The following BCAR3 variants were observed in gnomAD, a reference collection of about 807,000 sequenced individuals.
The protein encoded by BCAR3 is BCAR3 adaptor protein, NSP family member.
BCAR3 carries 37 observed loss-of-function variants against 80.1 expected under a neutral mutation model. That is an observed-to-expected ratio of 0.46 (90% CI 0.36 to 0.61). BCAR3 has a LOEUF of 0.61. BCAR3 is among the 20% of genes least tolerant of loss of function. The pLI, the probability that BCAR3 is intolerant of heterozygous loss-of-function variation, is 0.00. For synonymous variants in BCAR3, 389 were observed against 418.9 expected, an observed-to-expected ratio of 0.93 and a Z score of 0.87; for missense variants, 978 against 1,068.2, an observed-to-expected ratio of 0.92 and a Z score of 1.18.
At chr1:93,656,638 C>T (rs1353728066) in intron 2 of BCAR3, among the ~76,000 whole-genome samples, 1 of 148,288 alleles carries the variant, frequency 6.7e-6, no homozygotes, top group East Asian at 2.0e-4. Context: ...GACTATCTCA[C>T]TTGTCACCCA....
rs1674239055 is a variant in BCAR3 at position 93,592,253 on chromosome 1, A to G, written c.486+12T>C. 9.3e-6 allele frequency: 15 copies of G among 1,613,342 alleles called. No homozygotes were observed. The East Asian group carries it at 2.7e-4, about 29-fold the overall frequency. The stretch of plus-strand genomic sequence containing the variant: ...CAGCCGTGTATGCTCTGGAAGGGAC[A>G]AGACCAGGTACCTGTCGGGGGATGC... On this transcript the variant is annotated intron_variant, in intron 4 of 11. Transcript: ENST00000260502. The surrounding 1 kb of genome is among the most constrained non-coding windows in gnomAD (Gnocchi z 4.8).
chr1:93,799,740 C>T (rs1653410168), intron 2 of BCAR3, among the ~76,000 whole-genome samples: 1 of 152,198 alleles, frequency 6.6e-6, no homozygotes, highest in South Asian at 2.1e-4. Context: ...CAAAATTTAG[C>T]TCAGCCATCT....
chr1:93,588,143 C>A (rs1674021428), intron 5 of BCAR3, among the ~76,000 whole-genome samples: 1 of 152,168 alleles, frequency 6.6e-6, no homozygotes, highest in South Asian at 2.1e-4. Context: ...AGCTCTAACT[C>A]CCCTCCTGGA....
chr1:93,572,115 C>T (rs1381555734), intron 8 of BCAR3, among the ~76,000 whole-genome samples: 1 of 152,150 alleles, frequency 6.6e-6, no homozygotes, highest in Non-Finnish European at 1.5e-5. Flanking sequence ...CCTGGGGGCA[C>T]AAAGAGGGAG....
At chr1:93,787,371 T>A (rs1652984070) in intron 2 of BCAR3, among the ~76,000 whole-genome samples, 1 of 152,240 alleles carries the variant, frequency 6.6e-6, no homozygotes, top group Non-Finnish European at 1.5e-5. Context: ...TGGTTTGTTC[T>A]TGTTTCTCTA....
Position 93,754,612 on chromosome 1 carries a change from A to G in BCAR3, c.-62-48470T>C, listed in dbSNP as rs183551302. Among the ~76,000 whole-genome samples, 6 of 152,310 alleles carry G rather than the reference A, an allele frequency of 3.9e-5. No individual in the cohort carries two copies. The East Asian group carries it at 1.2e-3, about 29-fold the overall frequency. On this transcript the variant is annotated intron_variant, in intron 2 of 13. Transcript: ENST00000370244. ...GTCCCATAAGATTATAATGGAGCTG[A>G]AAAATTCCTGTTGTCTAGTGATGTC... is the stretch of plus-strand genomic sequence containing the variant.
At chr1:93,620,309 T>C (rs1389103037) in intron 3 of BCAR3, among the ~76,000 whole-genome samples, 1 of 152,230 alleles carries the variant, frequency 6.6e-6, no homozygotes, top group Non-Finnish European at 1.5e-5. Context: ...CTTATTCAAA[T>C]ACCACATATG....
intron 3 of BCAR3, chr1:93,602,232 T>G (rs1674646038): frequency 6.6e-6 from 1 of 151,990 alleles, no homozygotes; most frequent in South Asian, 2.1e-4. Flanking sequence ...GGACTACAGG[T>G]CTGCACCACC....
intron 3 of BCAR3, among the ~76,000 whole-genome samples, chr1:93,619,161 T>A (rs1482050642): frequency 6.6e-6 from 1 of 150,742 alleles, no homozygotes; most frequent in East Asian, 1.9e-4. Context: ...TTGGCCAGGA[T>A]GGGCTCGATC....
At chr1:93,717,392 G>A (rs1168666212) in intron 2 of BCAR3, among the ~76,000 whole-genome samples, 1 of 152,182 alleles carries the variant, frequency 6.6e-6, no homozygotes, top group Non-Finnish European at 1.5e-5. Context: ...AAAGTTAGTT[G>A]ATTTTGCATT....
intron 2 of BCAR3, among the ~76,000 whole-genome samples, chr1:93,827,795 G>C (rs1253196408): frequency 1.3e-5 from 2 of 152,020 alleles, no homozygotes; most frequent in East Asian, 3.8e-4. Flanking sequence ...GGGAGAGAGA[G>C]AGAAGTGATG....
chr1:93,770,109 G>A (rs1652302869), intron 2 of BCAR3, among the ~76,000 whole-genome samples: 1 of 152,188 alleles, frequency 6.6e-6, no homozygotes, highest in South Asian at 2.1e-4. Context: ...GATAGTGGGG[G>A]ACAGAAGGTG....
At chr1:93,796,607 A>G (rs1162098921) in intron 2 of BCAR3, among the ~76,000 whole-genome samples, 9 of 151,550 alleles carry the variant, frequency 5.9e-5, no homozygotes, top group Admixed American at 3.3e-4. Context: ...TGCAGAAATC[A>G]CCTGTCTTCT....
At chr1:93,613,972 G>T (rs1233084718) in intron 3 of BCAR3, 1 of 1,548,984 alleles carries the variant, frequency 6.5e-7, no homozygotes. Context: ...TTTCTTTAGG[G>T]TTAAAAGAAA....
chr1:93,744,965 TC>T (rs373681355), intron 2 of BCAR3, among the ~76,000 whole-genome samples: 67 of 152,338 alleles, frequency 4.4e-4, no homozygotes, highest in African/African-American at 1.3e-3. Context: ...CAAAGGCATT[TC>T]TTTTTTACTT....
intron 3 of BCAR3, among the ~76,000 whole-genome samples, chr1:93,704,202 C>T (rs886745184): frequency 1.3e-5 from 2 of 152,032 alleles, no homozygotes; most frequent in Non-Finnish European, 2.9e-5. Flanking sequence ...ACCAGCAGCT[C>T]ACAGGCCTGA....
intron 3 of BCAR3, among the ~76,000 whole-genome samples, chr1:93,612,599 T>G (rs1379278721): frequency 1.3e-5 from 2 of 152,162 alleles, no homozygotes; most frequent in Non-Finnish European, 2.9e-5. Context: ...TGAAACCCAC[T>G]GCCAATCCCC....
rs949568734 is a variant in BCAR3, at chr1:93,776,536, T to G, written c.-63+69031A>C. Among the ~76,000 whole-genome samples, 29 of 152,348 alleles carry G rather than the reference T, an allele frequency of 1.9e-4. 1 individual carries two copies. The highest frequency in any genetic ancestry group is 1.4e-3 in the Admixed American group (21 of 15,308). On this transcript the variant is annotated intron_variant, in intron 2 of 13. Coordinates refer to the BCAR3 transcript ENST00000370244. ...TTTCAAACAAAATCTATATATTGTA[T>G]TTGGTTGTTACGTCTATTATGTCCA... is the stretch of plus-strand genomic sequence containing the variant.
chr1:93,608,676 T>C (rs1425151304), intron 3 of BCAR3, among the ~76,000 whole-genome samples: 7 of 152,172 alleles, frequency 4.6e-5, no homozygotes. Flanking sequence ...CAGGGTCTGC[T>C]AGGGAACCGG....
Sources: allele counts gnomAD v4.1 joint callset (sites outside exome capture counted in the v4.1 genomes callset), GRCh38; gene constraint gnomAD v4.1.1; non-coding constraint Gnocchi (gnomAD v3.1); transcripts MANE v1.5; gene names NCBI Gene and HGNC (gene_info 2026-07-23, HGNC 2026-07-21).